PSG1: variants seen among roughly 807,000 people sequenced by gnomAD.
The protein encoded by PSG1 is pregnancy-specific beta-1-glycoprotein 1.
In PSG1, 60 loss-of-function variants were observed where a neutral mutation model predicts 41.4. That is an observed-to-expected ratio of 1.45 (90% CI 1.18 to 1.80). PSG1 has a LOEUF of 1.80. Among genes scored for constraint, PSG1 ranks in the 40% most tolerant of loss-of-function variants. PSG1 has a pLI of 0.00. For synonymous variants in PSG1, 256 were observed against 192.9 expected, an observed-to-expected ratio of 1.33 and a Z score of -2.71; for missense variants, 806 against 516.9, an observed-to-expected ratio of 1.56 and a Z score of -5.42.
In PSG1 at chr19:42,870,801, G is replaced by T. The variant is rs1252749494; in HGVS notation, c.709+966C>A. 4.0e-5 allele frequency among the ~76,000 whole-genome samples: 6 copies of T among 151,356 alleles called. No individual in the cohort carries two copies. The East Asian group carries it at 1.2e-3, about 30-fold the overall frequency. On this transcript the variant is annotated intron_variant, in intron 3 of 5. Coordinates refer to ENST00000436291, the MANE Select transcript of PSG1 (RefSeq NM_001184825.2). Reference sequence around the variant, plus strand: ...TTCAGCAATGGTTTGTAGTTTTCAGGGTATAATCATTTGACTTTTTTGGTT... The same window carrying T: ...TTCAGCAATGGTTTGTAGTTTTCAGTGTATAATCATTTGACTTTTTTGGTT...
chr19:42,869,322 C>T (rs1346069347), intron 3 of PSG1: 2 of 596,914 alleles, frequency 3.4e-6, no homozygotes, highest in Admixed American at 3.4e-5. Flanking sequence ...TGGTACCCTT[C>T]CCAGGCCCTC....
intron 2 of PSG1, 94 bp downstream of exon 2, chr19:42,877,819 G>C: frequency 6.2e-7 from 1 of 1,602,350 alleles, no homozygotes; most frequent in Non-Finnish European, 8.5e-7. Context: ...CGCAGTGAGT[G>C]ACACAGGCAG....
Position 42,867,879 on chromosome 19 carries a change from C to T in PSG1, c.1243+222G>A, listed in dbSNP as rs192972042. ...CAATTATTTCAATGAAATCAATGTT[C>T]TTCCTGCTTGGTCTAGGCTGGGAAT... On this transcript the variant is annotated intron_variant, in intron 5 of 5. Transcript: ENST00000436291. 5.7e-5 allele frequency: 80 copies of T among 1,392,828 alleles called. No individual in the cohort carries two copies. The African/African-American group carries it at 7.9e-4, about 14-fold the overall frequency. The allele number at this position is 1,392,828 out of a possible 1,614,324, so 86.3% of individuals were successfully genotyped here.
intron 2 of PSG1, among the ~76,000 whole-genome samples, chr19:42,874,650 G>A (rs1291610454): frequency 1.3e-5 from 2 of 151,800 alleles, no homozygotes; most frequent in African/African-American, 4.8e-5. Flanking sequence ...CGTCTCTGAG[G>A]GAGTTTAATG....
At position 42,868,349 on chromosome 19, in the gene PSG1, G is replaced by T. The variant is rs755231944; in HGVS notation, c.995C>A (p.Pro332Gln). ...TGAAGGGTAAATTCTGGGGAGGTCT[G>T]GACCATCTGGAGCAAAGAGAATAAA... ...DPVTLNVLYG[P>Q]DLPRIYPSFT... The change falls in exon 5 of 6, where the codon CCA becomes CAA. Residue 332 changes from proline (P) to glutamine (Q), a missense_variant. Pro to Gln is a moderately conservative substitution (Grantham distance 76). Transcript: ENST00000436291. 1.2e-5 allele frequency: 19 copies of T among 1,607,954 alleles called. 1 individual carries two copies. The highest frequency in any genetic ancestry group is 4.5e-5 in the East Asian group (2 of 44,762).
chr19:42,871,341 T>C (rs1408026838), intron 3 of PSG1, among the ~76,000 whole-genome samples: 13 of 151,288 alleles, frequency 8.6e-5, no homozygotes, highest in Non-Finnish European at 2.9e-5. Flanking sequence ...GAGGAAGAAA[T>C]GGTGGGGGCA....
Position 42,866,886 on chromosome 19 carries a change from C to T in PSG1, c.*248G>A. The T allele has an allele frequency of 1.5e-6, 1 of 655,416 alleles. No homozygotes were observed. Among genetic ancestry groups the T allele is most frequent in the Non-Finnish European group, 2.8e-6 (1 of 359,868 alleles). 40.6% of individuals were successfully genotyped at this position (655,416 alleles called of 1,614,324 possible). ...ATCATGATGGGGAGTCTTGTTCTGA[C>T]ATCTTGGGAAAAACTGTCCACAGTG... On this transcript the variant is annotated 3_prime_UTR_variant, in exon 6 of 6. Transcript: ENST00000436291.
At position 42,871,682 on chromosome 19, in the gene PSG1, A is replaced by G. The variant is rs1328022850; in HGVS notation, c.709+85T>C. 2.5e-6 allele frequency: 4 copies of G among 1,611,758 alleles called. No individual in the cohort carries two copies. The East Asian group carries it at 8.9e-5, about 36-fold the overall frequency. On this transcript the variant is annotated intron_variant, in intron 3 of 5. Transcript: ENST00000436291. ...CCAGGGGTAAAGGTCTCTGTATTGG[A>G]CCTGAGAGGGACAGAGAGGCCTGGC...
Position 42,870,806 on chromosome 19 carries a change from A to T in PSG1, c.709+961T>A, listed in dbSNP as rs149388128. On this transcript the variant is annotated intron_variant, in intron 3 of 5. Transcript: ENST00000436291. Reference sequence around the variant, plus strand: ...CAATGGTTTGTAGTTTTCAGGGTATAATCATTTGACTTTTTTGGTTAAACT... The same window carrying T: ...CAATGGTTTGTAGTTTTCAGGGTATTATCATTTGACTTTTTTGGTTAAACT... 3.6e-3 allele frequency among the ~76,000 whole-genome samples: 541 copies of T among 151,820 alleles called. 5 individuals are homozygous for T. Among genetic ancestry groups the T allele is most frequent in the African/African-American group, 0.012 (506 of 41,386 alleles).
rs1208040467 is a variant in PSG1 at position 42,879,646 on chromosome 19, A to G, written c.-65T>C. ...CCTAGGATCCAGAAACTCTCTGAGC[A>G]CGGCTGTCAGCTGTGCTGTCCTTCC... On this transcript the variant is annotated 5_prime_UTR_variant, in exon 1 of 6. Coordinates refer to ENST00000436291, the MANE Select transcript of PSG1 (RefSeq NM_001184825.2). The G allele has an allele frequency of 7.5e-6, 12 of 1,593,640 alleles. No individual in the cohort carries two copies. The East Asian group carries it at 9.1e-5, about 12-fold the overall frequency.
chr19:42,871,318 G>A (rs1314579159), intron 3 of PSG1, among the ~76,000 whole-genome samples: 1 of 151,638 alleles, frequency 6.6e-6, no homozygotes, highest in Non-Finnish European at 1.5e-5. Flanking sequence ...CCCCTGTATG[G>A]TAATAGGTGT....
At chr19:42,867,806 C>A (rs7248182) in intron 5 of PSG1, 1 of 1,205,646 alleles carries the variant, frequency 8.3e-7, no homozygotes, top group Non-Finnish European at 1.2e-6. Flanking sequence ...TTTAAAGAAT[C>A]AGCAAATTTT....
chr19:42,877,556 G>A (rs889014982), intron 2 of PSG1, among the ~76,000 whole-genome samples: 2 of 151,700 alleles, frequency 1.3e-5, no homozygotes, highest in South Asian at 2.1e-4. Flanking sequence ...TTCTCTGAGA[G>A]TATCTCAGGG....
Position 42,867,106 on chromosome 19 carries a change from A to T in PSG1, c.*28T>A, listed in dbSNP as rs1971164027. 1.3e-6 allele frequency: 1 copy of T among 772,734 alleles called. No individual in the cohort carries two copies. The highest frequency in any genetic ancestry group is 2.4e-6 in the Non-Finnish European group (1 of 417,538). The allele number at this position is 772,734 out of a possible 1,614,324, so 47.9% of individuals were successfully genotyped here. ...CTTGCTCTTAGTGATTCCATGGGAG[A>T]AAATGGAATTGGAGGTACTAGTAGA... On this transcript the variant is annotated 3_prime_UTR_variant, in exon 6 of 6. Transcript: ENST00000436291.
chr19:42,878,871 C>T (rs1238762870), intron 1 of PSG1, among the ~76,000 whole-genome samples: 2 of 151,552 alleles, frequency 1.3e-5, no homozygotes, highest in Admixed American at 6.6e-5. Context: ...GCCCTCCATG[C>T]CCTGGGTGTT....
At position 42,871,903 on chromosome 19, in the gene PSG1, G is replaced by A. The variant is rs146374715; in HGVS notation, c.573C>T (p.His191=). Residue 191 remains histidine, a synonymous_variant, in exon 3 of 6, where the codon CAC becomes CAT. Coordinates refer to ENST00000436291, the MANE Select transcript of PSG1 (RefSeq NM_001184825.2). ...WMNGQSLPMT[H]SLKLSETNRT... Reference sequence around the variant, plus strand: ...TGTTGGTTTCGGACAGCTTCAAGCTGTGAGTCATAGGGAGGCTCTGACCAT... The same window carrying A: ...TGTTGGTTTCGGACAGCTTCAAGCTATGAGTCATAGGGAGGCTCTGACCAT... 954 of 1,612,456 alleles carry A rather than the reference G, an allele frequency of 5.9e-4. 16 individuals are homozygous for A. In the African/African-American group the frequency reaches 0.011, roughly 19 times the overall value.
intron 2 of PSG1, among the ~76,000 whole-genome samples, chr19:42,876,072 G>A (rs1971591164): frequency 6.6e-6 from 1 of 151,354 alleles, no homozygotes; most frequent in Admixed American, 6.6e-5. Context: ...CTGGGAGGTG[G>A]GCCAGGCCAC....
chr19:42,875,235 G>T (rs570333052), intron 2 of PSG1, among the ~76,000 whole-genome samples: 1 of 151,882 alleles, frequency 6.6e-6, no homozygotes, highest in South Asian at 2.1e-4. Flanking sequence ...GTTTAAACTT[G>T]AAGCAAGAAT....
At chr19:42,878,354 G>C in intron 1 of PSG1, 76 bp from the exon 2 acceptor site, 1 of 1,526,164 alleles carries the variant, frequency 6.6e-7, no homozygotes, top group Non-Finnish European at 8.8e-7. Flanking sequence ...TGGGTCCTGA[G>C]AAGGTCTCTT....
Sources: gnomAD v4.1 joint callset for allele counts (sites outside exome capture counted in the v4.1 genomes callset) on GRCh38, gnomAD v4.1.1 for gene constraint, MANE v1.5 for transcripts, NCBI Gene and HGNC (gene_info 2026-07-23, HGNC 2026-07-21) for gene names.